Variants in SNTG1 observed in about 807,000 individuals in gnomAD.
SNTG1 encodes syntrophin gamma 1.
Under a neutral mutation model 74.7 loss-of-function variants are expected in SNTG1, and 39 were observed. That is an observed-to-expected ratio of 0.52 (90% confidence interval 0.40 to 0.68). The LOEUF (loss-of-function observed/expected upper bound fraction) is 0.68. Ranked by LOEUF, SNTG1 falls within the 30% of genes least tolerant of loss-of-function variation. SNTG1 has a pLI of 0.00. For missense variants in SNTG1, 685 were observed against 609.5 expected (o/e 1.12, Z -1.30); for synonymous variants, 254 against 217.1 (o/e 1.17, Z -1.49).
chr8:50,071,966 T>A (rs1821408243), intron 1 of SNTG1, among the ~76,000 whole-genome samples: 1 of 152,250 alleles, frequency 6.6e-6, no homozygotes, highest in Non-Finnish European at 1.5e-5. Flanking sequence ...AGAATACTAT[T>A]TTCTTGCTAT....
At chr8:50,376,756 T>TATATATATATATAG (rs1381048539) in intron 2 of SNTG1, among the ~76,000 whole-genome samples, 4 of 89,958 alleles carry the variant, frequency 4.4e-5, no homozygotes, top group Admixed American at 1.3e-4. Context: ...TATATATATA[T>TATATATATATATAG]AGAGAGAGAG....
At chr8:50,286,213 C>T (rs915916073) in intron 2 of SNTG1, among the ~76,000 whole-genome samples, 5 of 152,078 alleles carry the variant, frequency 3.3e-5, no homozygotes, top group African/African-American at 1.2e-4. Flanking sequence ...CAGAGGAGAC[C>T]AACAAAAAGC....
At chr8:50,607,752 C>T (rs2094823097) in intron 13 of SNTG1, among the ~76,000 whole-genome samples, 1 of 151,232 alleles carries the variant, frequency 6.6e-6, no homozygotes, top group South Asian at 2.1e-4. Context: ...TTTCTTCCTT[C>T]TTTTGGCTTT....
At chr8:50,270,248 G>A (rs1369481809) in intron 2 of SNTG1, among the ~76,000 whole-genome samples, 1 of 152,092 alleles carries the variant, frequency 6.6e-6, no homozygotes, top group African/African-American at 2.4e-5. Flanking sequence ...CCTATAGAGT[G>A]ACAGACGCTA....
chr8:50,243,701 T>C (rs2086266132), intron 2 of SNTG1, among the ~76,000 whole-genome samples: 1 of 151,552 alleles, frequency 6.6e-6, no homozygotes, highest in Non-Finnish European at 1.5e-5. Context: ...TTTTTTTTAC[T>C]GTTCCATGGA....
chr8:50,226,023 T>C (rs2085311019), intron 2 of SNTG1, among the ~76,000 whole-genome samples: 1 of 152,214 alleles, frequency 6.6e-6, no homozygotes, highest in African/African-American at 2.4e-5. Flanking sequence ...ATTCTTTATA[T>C]TGACAACAAA....
chr8:50,233,224 G>A (rs543196979), intron 2 of SNTG1, among the ~76,000 whole-genome samples: 1 of 151,628 alleles, frequency 6.6e-6, no homozygotes, highest in African/African-American at 2.4e-5. Flanking sequence ...TAGATCAATG[G>A]ACCGGAAGAG....
chr8:50,177,406 T>C (rs1466904497), intron 2 of SNTG1, among the ~76,000 whole-genome samples: 1 of 152,168 alleles, frequency 6.6e-6, no homozygotes, highest in African/African-American at 2.4e-5. Flanking sequence ...CTGCAGTCAG[T>C]GCCTCATTCC....
chr8:50,115,567 C>CAAAAAAAAAAAAAAAA (rs11386539), intron 1 of SNTG1, among the ~76,000 whole-genome samples: 7 of 40,528 alleles, frequency 1.7e-4, no homozygotes, highest in African/African-American at 4.0e-4. Flanking sequence ...GACTCTGTCT[C>CAAAAAAAAAAAAAAAA]AAAAAAAAAA....
intron 1 of SNTG1, among the ~76,000 whole-genome samples, chr8:49,993,483 G>A (rs10086809): frequency 0.53 from 81,112 of 151,738 alleles, 24,504 homozygotes; most frequent in East Asian, 0.8. Flanking sequence ...GTGGTTTGCT[G>A]CACCTATCAA....
At chr8:50,014,966 A>G (rs1816172470) in intron 1 of SNTG1, among the ~76,000 whole-genome samples, 3 of 151,920 alleles carry the variant, frequency 2.0e-5, no homozygotes, top group Admixed American at 6.6e-5. Flanking sequence ...AGTTTTCAAC[A>G]AAAACTCATG....
chr8:50,034,158 GAA>G (rs1195901840), intron 1 of SNTG1, among the ~76,000 whole-genome samples: 1 of 152,120 alleles, frequency 6.6e-6, no homozygotes, highest in African/African-American at 2.4e-5. Flanking sequence ...CTGGACTTTG[GAA>G]AAAATGAGGG....
chr8:50,781,252 G>A (rs181336563), intron 18 of SNTG1, among the ~76,000 whole-genome samples: 5 of 152,010 alleles, frequency 3.3e-5, no homozygotes, highest in African/African-American at 7.3e-5. Context: ...CAATTCCTGG[G>A]TATCCTTGTT....
intron 1 of SNTG1, among the ~76,000 whole-genome samples, chr8:49,993,500 A>G (rs1384329085): frequency 6.6e-6 from 1 of 152,080 alleles, no homozygotes; most frequent in African/African-American, 2.4e-5. Flanking sequence ...TCAACCCATC[A>G]TCTAGGTTTT....
intron 1 of SNTG1, among the ~76,000 whole-genome samples, chr8:50,117,666 G>A (rs1337404568): frequency 6.6e-6 from 1 of 152,004 alleles, no homozygotes; most frequent in African/African-American, 2.4e-5. Context: ...CACAGAATTA[G>A]CTCTCACTAT....
At chr8:50,018,964 C>T (rs1429087926) in intron 1 of SNTG1, among the ~76,000 whole-genome samples, 1 of 151,942 alleles carries the variant, frequency 6.6e-6, no homozygotes, top group East Asian at 1.9e-4. Flanking sequence ...TCCAGCAAAT[C>T]TACTCCTAGG....
intron 2 of SNTG1, among the ~76,000 whole-genome samples, chr8:50,282,037 A>G (rs972704611): frequency 1.3e-5 from 2 of 152,134 alleles, no homozygotes; most frequent in African/African-American, 2.4e-5. Context: ...GCCCAAATCC[A>G]AAGGGCATCA....
intron 15 of SNTG1, among the ~76,000 whole-genome samples, chr8:50,698,722 T>C (rs1276944298): frequency 6.6e-6 from 1 of 152,128 alleles, no homozygotes; most frequent in African/African-American, 2.4e-5. Flanking sequence ...TTCCAAGGTC[T>C]CGGGAAGTGC....
At chr8:50,670,494 A>G (rs200807272) in intron 15 of SNTG1, among the ~76,000 whole-genome samples, 35 of 149,040 alleles carry the variant, frequency 2.3e-4, no homozygotes, top group Non-Finnish European at 4.5e-4. Flanking sequence ...AGGGATGTGA[A>G]GGACCTCTTC....
Sources: gnomAD v4.1 joint callset for allele counts (sites outside exome capture counted in the v4.1 genomes callset) on GRCh38, gnomAD v4.1.1 for gene constraint, MANE v1.5 for transcripts, NCBI Gene and HGNC (gene_info 2026-07-23, HGNC 2026-07-21) for gene names.